Variants in TMEM67 observed in about 807,000 individuals in gnomAD.
TMEM67 encodes the protein meckelin.
TMEM67 carries 124 observed loss-of-function variants against 136.6 expected under a neutral mutation model. The observed-to-expected ratio is 0.91, with a 90% CI of 0.78 to 1.05. The LOEUF is 1.05. TMEM67 is among the 50% of genes least tolerant of loss of function. The probability of loss-of-function intolerance (pLI) is 0.00; values close to 1 mark genes in which losing one functional copy is unlikely to be tolerated. For synonymous variants in TMEM67, 364 were observed against 390.5 expected, an observed-to-expected ratio of 0.93 and a Z score of 0.80; for missense variants, 1,107 against 1,178.4, an observed-to-expected ratio of 0.94 and a Z score of 0.89.
At chr8:93,823,955 G>A (rs1417246377), downstream of TMEM67, among the ~76,000 whole-genome samples, 2 of 151,990 alleles carry the variant, frequency 1.3e-5, no homozygotes, top group African/African-American at 4.8e-5. Context: ...TACCTAGAAG[G>A]GTGACAGACC....
Position 93,817,190 on chromosome 8 carries a change from G to T in TMEM67, c.*738G>T, listed in dbSNP as rs546117654. The T allele has an allele frequency of 6.6e-6, 1 of 152,280 alleles. No individual in the cohort carries two copies. Among genetic ancestry groups the T allele is most frequent in the South Asian group, 2.1e-4 (1 of 4,826 alleles). The allele number at this position is 152,280 out of a possible 1,614,324, so 9.4% of individuals were successfully genotyped here. On this transcript the variant is annotated 3_prime_UTR_variant, in exon 28 of 28. Coordinates refer to ENST00000453321, the MANE Select transcript of TMEM67 (RefSeq NM_153704.6). ...ATTTTAATTACTTAATGTTTTAAGA[G>T]TTCTCTTCCAGAGTTTTGCTTTTCA...
intron 21 of TMEM67, among the ~76,000 whole-genome samples, chr8:93,800,949 A>C (rs112734309): frequency 3.6e-4 from 55 of 151,828 alleles, no homozygotes; most frequent in African/African-American, 1.3e-3. Context: ...AATGACTGAA[A>C]GTAAAAATAA....
chr8:93,773,075 G>T (rs1387094479), intron 7 of TMEM67, among the ~76,000 whole-genome samples: 1 of 152,080 alleles, frequency 6.6e-6, no homozygotes, highest in Non-Finnish European at 1.5e-5. Context: ...GGGGTGGGGG[G>T]TGCTATTTTA....
At chr8:93,820,127 G>A (rs1246688720), downstream of TMEM67, among the ~76,000 whole-genome samples, 1 of 152,136 alleles carries the variant, frequency 6.6e-6, no homozygotes, top group South Asian at 2.1e-4. Context: ...AGAAACTCCA[G>A]TAAGCACCCA....
chr8:93,784,014 C>T (rs1037436689), intron 11 of TMEM67, among the ~76,000 whole-genome samples: 10 of 152,134 alleles, frequency 6.6e-5, no homozygotes, highest in Admixed American at 1.3e-4. Context: ...TAAAGTTCCA[C>T]GCACAACCAT....
chr8:93,819,569 C>T (rs564133691), downstream of TMEM67, among the ~76,000 whole-genome samples: 75 of 152,188 alleles, frequency 4.9e-4, no homozygotes, highest in African/African-American at 1.8e-3. Context: ...CAATATGAAA[C>T]GTGCTGCAGT....
rs752493056 is a variant in TMEM67 at position 93,782,383 on chromosome 8, AT to A, written c.1066-8del. 2 of 1,605,466 alleles carry A rather than the reference AT, an allele frequency of 1.2e-6. No homozygotes were observed. The highest frequency in any genetic ancestry group is 2.2e-5 in the South Asian group (2 of 90,774). Reference sequence around the variant, plus strand: ...ATTTGTGAGATTTATCTGTTGTATTATTTTGCTGCAGCTTTGTCCAGACACA... The same window carrying A: ...ATTTGTGAGATTTATCTGTTGTATTATTTGCTGCAGCTTTGTCCAGACACA... On this transcript the variant is annotated splice_polypyrimidine_tract_variant and intron_variant, in intron 10 of 27. Coordinates refer to ENST00000453321, the MANE Select transcript of TMEM67 (RefSeq NM_153704.6).
rs747239840 is a variant in TMEM67, at chr8:93,765,380, A to T, written c.507-26A>T. 1.0e-4 allele frequency: 161 copies of T among 1,578,610 alleles called. No individual in the cohort carries two copies. The Admixed American group carries it at 2.3e-3, about 23-fold the overall frequency. ...TTTAGTATAATTTATTAACATTTTT[A>T]AAATTATTTTTGTTATATTGAACAG... is the stretch of plus-strand genomic sequence containing the variant. On this transcript the variant is annotated intron_variant, in intron 4 of 27. Coordinates refer to ENST00000453321, the MANE Select transcript of TMEM67 (RefSeq NM_153704.6).
downstream of TMEM67, among the ~76,000 whole-genome samples, chr8:93,820,587 G>A (rs1809027617): frequency 6.6e-6 from 1 of 152,170 alleles, no homozygotes; most frequent in Non-Finnish European, 1.5e-5. Flanking sequence ...TACTGGCTGT[G>A]CAATTTGGGC....
chr8:93,759,879 C>T (rs1191713480), intron 3 of TMEM67: 2 of 1,010,416 alleles, frequency 2.0e-6, no homozygotes, highest in Non-Finnish European at 3.0e-6. Flanking sequence ...GAACTTCCGA[C>T]CTCAGGTGAT....
chr8:93,799,535 A>G (rs367907404), intron 20 of TMEM67, 83 bp from the exon 21 acceptor site: 5 of 1,365,608 alleles, frequency 3.7e-6, no homozygotes, highest in Non-Finnish European at 1.0e-6. Flanking sequence ...CAAGGTGAGT[A>G]GGGAGAGGTT....
chr8:93,781,729 A>C lies in TMEM67; in HGVS notation c.1050A>C (p.Glu350Asp), dbSNP rs1813838328. 1 of 1,605,386 alleles carries C rather than the reference A, an allele frequency of 6.2e-7. No individual in the cohort carries two copies. The highest frequency in any genetic ancestry group is 1.7e-5 in the Admixed American group (1 of 59,776). The change falls in exon 10 of 28, where the codon GAA becomes GAC. Residue 350 changes from glutamate to aspartate, a missense_variant. Transcript: ENST00000453321. ...RGNFLKWQTL[E>D]GGVLQLCPDT... ...ATTTTCTCAAGTGGCAAACTTTAGAAGGAGGTGTTTTACAGGTAAGCATGA... is the reference window on the plus strand; with the variant it reads ...ATTTTCTCAAGTGGCAAACTTTAGACGGAGGTGTTTTACAGGTAAGCATGA...
downstream of TMEM67, among the ~76,000 whole-genome samples, chr8:93,823,905 C>G (rs1403066161): frequency 6.6e-6 from 1 of 150,808 alleles, no homozygotes; most frequent in African/African-American, 2.4e-5. Flanking sequence ...TTTAGAGCCT[C>G]TCTCAAAGCC....
chr8:93,794,091 C>T (rs1814504225), intron 16 of TMEM67, among the ~76,000 whole-genome samples: 1 of 151,998 alleles, frequency 6.6e-6, no homozygotes, highest in African/African-American at 2.4e-5. Flanking sequence ...GGGGTTTCAC[C>T]ATGTTGTTCA....
chr8:93,826,183 G>A, the TMEM67 span, among the ~76,000 whole-genome samples: 1 of 118,232 alleles, frequency 8.5e-6, no homozygotes, highest in African/African-American at 3.3e-5. Context: ...AGGCCGGACT[G>A]CAGTGGCGCT....
chr8:93,784,500 T>G (rs569667132), intron 11 of TMEM67, among the ~76,000 whole-genome samples: 16 of 152,302 alleles, frequency 1.1e-4, no homozygotes, highest in Admixed American at 9.2e-4. Flanking sequence ...CTTCATAGAC[T>G]AGTGGGCAAA....
chr8:93,801,305 G>A (rs943583769), intron 21 of TMEM67, among the ~76,000 whole-genome samples: 1 of 151,628 alleles, frequency 6.6e-6, no homozygotes, highest in Admixed American at 6.6e-5. Context: ...TGGAATCATA[G>A]TTCACTGCAG....
intron 26 of TMEM67, among the ~76,000 whole-genome samples, chr8:93,812,210 AT>A (rs1451138356): frequency 4.6e-5 from 7 of 152,140 alleles, no homozygotes; most frequent in Admixed American, 2.0e-4. Context: ...CATGGATATC[AT>A]TGAAGGGTGC....
chr8:93,830,275 C>A, the TMEM67 span, among the ~76,000 whole-genome samples: 3 of 152,104 alleles, frequency 2.0e-5, no homozygotes, highest in Admixed American at 6.5e-5. Context: ...CTGCACCCTT[C>A]CCCCCATGCC....
Sources: allele counts gnomAD v4.1 joint callset (sites outside exome capture counted in the v4.1 genomes callset), GRCh38; gene constraint gnomAD v4.1.1; transcripts MANE v1.5; gene names NCBI Gene and HGNC (gene_info 2026-07-23, HGNC 2026-07-21).